The following TUT4 variants were observed in gnomAD, a reference collection of about 807,000 sequenced individuals.
TUT4 encodes terminal uridylyltransferase 4.
TUT4 carries 36 observed loss-of-function variants against 192.2 expected under a neutral mutation model. That is an observed-to-expected ratio of 0.19 (90% confidence interval 0.14 to 0.25). The LOEUF is 0.25. Among genes scored for constraint, TUT4 ranks in the 10% least tolerant of loss-of-function variants. The pLI, the probability that TUT4 is intolerant of heterozygous loss-of-function variation, is 1.00. For synonymous variants in TUT4, 618 were observed against 666.0 expected (o/e 0.93, Z 1.11); for missense variants, 1,493 against 1,957.2 (o/e 0.76, Z 4.47).
intron 2 of TUT4, among the ~76,000 whole-genome samples, chr1:52,523,203 G>C (rs939034856): frequency 1.5e-4 from 23 of 151,626 alleles, no homozygotes; most frequent in African/African-American, 5.3e-4. Context: ...ATGTTGGCCA[G>C]GCTGGTCTCG....
intron 1 of TUT4, among the ~76,000 whole-genome samples, chr1:52,542,582 C>A (rs1011959214): frequency 6.6e-6 from 1 of 152,116 alleles, no homozygotes; most frequent in African/African-American, 2.4e-5. Context: ...ATTCAATACC[C>A]TTTCATGATA....
chr1:52,550,775 G>A (rs991325337), intron 1 of TUT4, among the ~76,000 whole-genome samples: 19 of 152,076 alleles, frequency 1.2e-4, no homozygotes, highest in Admixed American at 4.6e-4. Flanking sequence ...GATTACAGGC[G>A]TGAGTGAGCC....
intron 1 of TUT4, among the ~76,000 whole-genome samples, chr1:52,546,302 T>C (rs1233392569): frequency 2.0e-5 from 3 of 152,178 alleles, no homozygotes; most frequent in Non-Finnish European, 4.4e-5. Flanking sequence ...AACCCAAGTG[T>C]CTACTCATAG....
At chr1:52,481,946 G>A (rs749226946) in intron 9 of TUT4, 23 bp from the exon 10 acceptor site, 1 of 1,467,588 alleles carries the variant, frequency 6.8e-7, no homozygotes, top group South Asian at 1.6e-5. Flanking sequence ...GGGGAAAAAA[G>A]TACTACCATT....
At chr1:52,527,074 T>C (rs955520001) in intron 1 of TUT4, among the ~76,000 whole-genome samples, 2 of 152,142 alleles carry the variant, frequency 1.3e-5, no homozygotes, top group African/African-American at 4.8e-5. Context: ...TGAATCCGTT[T>C]ATGGAATCCT....
intron 1 of TUT4, among the ~76,000 whole-genome samples, chr1:52,537,092 G>A (rs553591697): frequency 4.6e-5 from 7 of 152,028 alleles, no homozygotes; most frequent in East Asian, 1.9e-4. Flanking sequence ...CCCAGGAGGC[G>A]GAGGTTGCAG....
chr1:52,490,195 G>A (rs1177647230), intron 8 of TUT4, among the ~76,000 whole-genome samples: 1 of 138,118 alleles, frequency 7.2e-6, no homozygotes, highest in African/African-American at 2.6e-5. Flanking sequence ...CTGTCACCCA[G>A]GCTGGAGTGC....
At chr1:52,482,325 A>C (rs888480147) in intron 9 of TUT4, among the ~76,000 whole-genome samples, 1 of 152,200 alleles carries the variant, frequency 6.6e-6, no homozygotes, top group Non-Finnish European at 1.5e-5. Context: ...GGAGAAGTTT[A>C]AGTTTTTCAA....
intron 12 of TUT4, 37 bp downstream of exon 12, chr1:52,477,671 A>C (rs1189476201): frequency 6.4e-7 from 1 of 1,568,440 alleles, no homozygotes. Context: ...AGCACATAAA[A>C]AATATTCTCC....
intron 2 of TUT4, among the ~76,000 whole-genome samples, chr1:52,519,579 G>A (rs1332676029): frequency 8.0e-5 from 12 of 150,882 alleles, no homozygotes; most frequent in Non-Finnish European, 1.2e-4. Flanking sequence ...GTGCAATCTC[G>A]GCTCACTGCA....
intron 1 of TUT4, among the ~76,000 whole-genome samples, chr1:52,543,774 G>A (rs975056588): frequency 7.2e-5 from 11 of 151,926 alleles, no homozygotes; most frequent in Admixed American, 2.0e-4. Context: ...ATGAGCCACT[G>A]TGCCTGGCCT....
At chr1:52,506,476 G>A (rs1439696041) in intron 4 of TUT4, among the ~76,000 whole-genome samples, 1 of 152,072 alleles carries the variant, frequency 6.6e-6, no homozygotes, top group Non-Finnish European at 1.5e-5. Context: ...ATTATCCAGA[G>A]CTCATTAACT....
chr1:52,536,714 C>A (rs192914051), intron 1 of TUT4, among the ~76,000 whole-genome samples: 3 of 151,776 alleles, frequency 2.0e-5, no homozygotes, highest in Non-Finnish European at 2.9e-5. Flanking sequence ...AATAAGAGGG[C>A]GTGGTGGTGG....
intron 29 of TUT4, chr1:52,424,498 C>G (rs1292617765): frequency 6.5e-6 from 1 of 154,770 alleles, no homozygotes; most frequent in Non-Finnish European, 1.4e-5. Flanking sequence ...GTTTTAACTT[C>G]TTGAACTCCT....
chr1:52,518,579 C>A (rs578163602), intron 2 of TUT4, among the ~76,000 whole-genome samples: 11 of 152,224 alleles, frequency 7.2e-5, no homozygotes, highest in African/African-American at 2.6e-4. Context: ...GAGGTTAGGG[C>A]CTCAACATAT....
At chr1:52,469,914 G>A (rs909119009) in intron 14 of TUT4, among the ~76,000 whole-genome samples, 6 of 149,532 alleles carry the variant, frequency 4.0e-5, no homozygotes, top group Admixed American at 6.7e-5. Flanking sequence ...AAAAAAAGAC[G>A]GCTACATATA....
In TUT4 at chr1:52,431,034, T is replaced by TTAA. The variant is rs1557628386; in HGVS notation, c.4689_4690insTTA (p.Asn1563_Ser1564insLeu). 2 of 1,596,788 alleles carry TTAA rather than the reference T, an allele frequency of 1.3e-6. No homozygotes were observed. The highest frequency in any genetic ancestry group is 1.7e-6 in the Non-Finnish European group (2 of 1,166,848). ...TTACCTGAATTCCCCACTGCACCAC[T>TTAA]GTTTACCAGGGAATTTGGAGCCACA... On this transcript the variant is annotated inframe_insertion, in exon 28 of 30. Coordinates refer to ENST00000257177, the MANE Select transcript of TUT4 (RefSeq NM_001009881.3).
At chr1:52,473,001 A>T (rs1666178194) in intron 13 of TUT4, among the ~76,000 whole-genome samples, 1 of 152,160 alleles carries the variant, frequency 6.6e-6, no homozygotes, top group Non-Finnish European at 1.5e-5. Flanking sequence ...TCACCTTTTC[A>T]AAGCTTTTTT....
At chr1:52,524,108 T>C (rs1681052757) in intron 2 of TUT4, among the ~76,000 whole-genome samples, 1 of 152,226 alleles carries the variant, frequency 6.6e-6, no homozygotes, top group Non-Finnish European at 1.5e-5. Flanking sequence ...AAATGAATTT[T>C]ACAACAGTTC....
Sources: gnomAD v4.1 joint callset for allele counts (sites outside exome capture counted in the v4.1 genomes callset) on GRCh38, gnomAD v4.1.1 for gene constraint, MANE v1.5 for transcripts, NCBI Gene and HGNC (gene_info 2026-07-23, HGNC 2026-07-21) for gene names.